The following TEX55 variants were observed in gnomAD, a reference collection of about 807,000 sequenced individuals.
TEX55 encodes the protein testis expressed 55.
TEX55 carries 31 observed loss-of-function variants against 44.6 expected under a neutral mutation model. That is an observed-to-expected ratio of 0.69 (90% CI 0.52 to 0.94). The LOEUF is 0.94. Ranked by LOEUF, TEX55 falls within the 40% of genes least tolerant of loss-of-function variation. TEX55 has a pLI of 0.00. For synonymous variants in TEX55, 230 were observed against 230.9 expected (o/e 1.00, Z 0.04); for missense variants, 639 against 638.4 (o/e 1.00, Z -0.01).
chr3:119,147,679 A>G, intron 1 of TEX55, 92 bp downstream of exon 1: 1 of 1,037,938 alleles, frequency 9.6e-7, no homozygotes, highest in Non-Finnish European at 1.4e-6. Flanking sequence ...GGAAGGGCAC[A>G]TGTTGCATCA....
chr3:119,147,637 C>T (rs758515557), intron 1 of TEX55, 50 bp downstream of exon 1: 74 of 1,502,486 alleles, frequency 4.9e-5, no homozygotes, highest in Non-Finnish European at 6.0e-5. Flanking sequence ...GAGATCTAGA[C>T]GGGGCCTGGA....
chr3:119,147,026 T>C lies in TEX55; in HGVS notation c.837T>C (p.Ala279=). The C allele has an allele frequency of 6.2e-7, 1 of 1,614,212 alleles. No individual in the cohort carries two copies. The highest frequency in any genetic ancestry group is 8.5e-7 in the Non-Finnish European group (1 of 1,180,034). Residue 279 remains alanine (A), a synonymous_variant, in exon 1 of 3, where the codon GCT becomes GCC. Coordinates refer to ENST00000295622, the MANE Select transcript of TEX55 (RefSeq NM_152539.3). Reference sequence around the variant, plus strand: ...CTGAGAAGACTGACTACAGATTGGCTGGCCTGGCTGACCCAGGAACTTCTG... The same window carrying C: ...CTGAGAAGACTGACTACAGATTGGCCGGCCTGGCTGACCCAGGAACTTCTG... ...RSSEKTDYRL[A]GLADPGTSEQ... is the part of the protein sequence containing the mutation.
Position 119,147,164 on chromosome 3 carries a change from A to G in TEX55, c.975A>G (p.Gln325=), listed in dbSNP as rs748796019. 6.2e-7 allele frequency: 1 copy of G among 1,614,180 alleles called. No individual in the cohort carries two copies. Among genetic ancestry groups the G allele is most frequent in the Non-Finnish European group, 8.5e-7 (1 of 1,180,020 alleles). The change falls in exon 1 of 3, where the codon CAA becomes CAG. Residue 325 remains glutamine (Q), a synonymous_variant. Transcript: ENST00000295622. ...TAGCTGAACACCAGGCTATTGACCA[A>G]GCTCATAGTAATGCTGATCAACCTC... ...TELAEHQAID[Q]AHSNADQPPV...
rs2077728187 is a variant in TEX55, at chr3:119,146,589, G to C, written c.400G>C (p.Val134Leu). ...NVQHEQSDGQ[V>L]SGLTEERTAE... The stretch of plus-strand genomic sequence containing the variant: ...ACAGCATGAACAGAGTGATGGTCAG[G>C]TGTCTGGCCTGACGGAGGAAAGAAC... Residue 134 changes from valine (V) to leucine (L), a missense_variant, in exon 1 of 3, where the codon GTG becomes CTG. Val to Leu is a conservative substitution (Grantham distance 32, BLOSUM62 1). Coordinates refer to ENST00000295622, the MANE Select transcript of TEX55 (RefSeq NM_152539.3). 1 of 1,614,012 alleles carries C rather than the reference G, an allele frequency of 6.2e-7. No homozygotes were observed. The highest frequency in any genetic ancestry group is 2.2e-5 in the East Asian group (1 of 44,888).
At chr3:119,151,125 G>T in intron 2 of TEX55, 99 bp from the exon 3 acceptor site, 1 of 772,650 alleles carries the variant, frequency 1.3e-6, no homozygotes. Flanking sequence ...CAAAAGCTAT[G>T]GTATGTGTTA....
intron 2 of TEX55, among the ~76,000 whole-genome samples, chr3:119,148,732 C>T (rs2077753967): frequency 6.6e-6 from 1 of 152,176 alleles, no homozygotes; most frequent in Admixed American, 6.5e-5. Context: ...AGTGTACTTA[C>T]ACAAATCTAG....
At position 119,147,348 on chromosome 3, in the gene TEX55, G is replaced by A. The variant is rs2077737759; in HGVS notation, c.1159G>A (p.Asp387Asn). 5.0e-6 allele frequency: 8 copies of A among 1,614,186 alleles called. No homozygotes were observed. Among genetic ancestry groups the A allele is most frequent in the Non-Finnish European group, 6.8e-6 (8 of 1,180,030 alleles). ...CAACAGCAAAGAGGACAAAGAGGCT[G>A]ACTACAGAGTACAACCCTGCAAATT... ...LGNSKEDKEA[D>N]YRVQPCKFED... is the part of the protein sequence containing the mutation. Residue 387 changes from aspartate to asparagine, a missense_variant, in exon 1 of 3, where the codon GAC becomes AAC. Transcript: ENST00000295622.
chr3:119,146,582 T>A lies in TEX55; in HGVS notation c.393T>A (p.Asp131Glu). Residue 131 changes from aspartate to glutamate, a missense_variant, in exon 1 of 3, where the codon GAT becomes GAA. Transcript: ENST00000295622. The part of the protein sequence containing the change: ...QANNVQHEQS[D>E]GQVSGLTEER... ...ATAATGTACAGCATGAACAGAGTGA[T>A]GGTCAGGTGTCTGGCCTGACGGAGG... 6.2e-7 allele frequency: 1 copy of A among 1,614,026 alleles called. No homozygotes were observed. Among genetic ancestry groups the A allele is most frequent in the South Asian group, 1.1e-5 (1 of 91,086 alleles).
intron 2 of TEX55, among the ~76,000 whole-genome samples, chr3:119,149,074 AT>A (rs985329578): frequency 1.1e-4 from 16 of 152,084 alleles, no homozygotes; most frequent in Non-Finnish European, 1.8e-4. Context: ...GCTACACTAA[AT>A]TTTTTAACAT....
At position 119,147,094 on chromosome 3, in the gene TEX55, C is replaced by T. The variant is rs1165064357; in HGVS notation, c.905C>T (p.Thr302Ile). ...TTGTATGGCCTCGTTGACCACAAAA[C>T]ATCTGTAAAGACTCACCACCAAGTG... ...LRLYGLVDHKTSVKTHHQVYG... is the reference protein window; with the variant it reads ...LRLYGLVDHKISVKTHHQVYG... The change falls in exon 1 of 3, where the codon ACA becomes ATA. Residue 302 changes from threonine to isoleucine, a missense_variant. Thr to Ile is a moderately conservative substitution (Grantham distance 89, BLOSUM62 -1). Coordinates refer to ENST00000295622, the MANE Select transcript of TEX55 (RefSeq NM_152539.3). The T allele has an allele frequency of 4.3e-6, 7 of 1,614,066 alleles. No homozygotes were observed. The highest frequency in any genetic ancestry group is 5.9e-6 in the Non-Finnish European group (7 of 1,180,042).
chr3:119,147,372 T>G lies in TEX55; in HGVS notation c.1183T>G (p.Phe395Val), dbSNP rs2107556194. ...EADYRVQPCK[F>V]EDSQVDLNSK... ...TGACTACAGAGTACAACCCTGCAAA[T>G]TTGAGGATAGCCAAGTAGACCTCAA... is the stretch of plus-strand genomic sequence containing the variant. The change falls in exon 1 of 3, where the codon TTT (phenylalanine) becomes GTT (valine). Residue 395 changes from phenylalanine to valine, a missense_variant. Transcript: ENST00000295622. 6.2e-7 allele frequency: 1 copy of G among 1,614,108 alleles called. No individual in the cohort carries two copies. Among genetic ancestry groups the G allele is most frequent in the Middle Eastern group, 1.6e-4 (1 of 6,062 alleles).
At position 119,146,358 on chromosome 3, in the gene TEX55, C is replaced by A. The variant is rs1199132747; in HGVS notation, c.169C>A (p.Leu57Ile). The change falls in exon 1 of 3, where the codon CTA becomes ATA. Residue 57 changes from leucine to isoleucine, a missense_variant. Physicochemically the swap from Leu to Ile is conservative, Grantham distance 5 (BLOSUM62 2). Coordinates refer to ENST00000295622, the MANE Select transcript of TEX55 (RefSeq NM_152539.3). ...TCACAGAATAGCTGACCAGACTGCC[C>A]TAAGAGTGCCTAGCCAGGCTGAATC... The part of the protein sequence containing the change: ...TAHRIADQTA[L>I]RVPSQAESSI... 1 of 1,614,042 alleles carries A rather than the reference C, an allele frequency of 6.2e-7. No individual in the cohort carries two copies. The highest frequency in any genetic ancestry group is 8.5e-7 in the Non-Finnish European group (1 of 1,180,040).
chr3:119,147,790 C>A (rs2077744197), intron 1 of TEX55, among the ~76,000 whole-genome samples: 1 of 152,188 alleles, frequency 6.6e-6, no homozygotes, highest in African/African-American at 2.4e-5. Context: ...GCCTTCTCTA[C>A]TACCCAAAGG....
intron 2 of TEX55, among the ~76,000 whole-genome samples, chr3:119,149,365 A>G (rs2077760062): frequency 6.6e-6 from 1 of 152,148 alleles, no homozygotes; most frequent in Non-Finnish European, 1.5e-5. Context: ...CATCAATATC[A>G]CTGTCTTCCA....
In TEX55 at chr3:119,151,219, C is replaced by T. The variant is rs2077778252; in HGVS notation, c.1543-5C>T. On this transcript the variant is annotated splice_polypyrimidine_tract_variant and splice_region_variant and intron_variant, in intron 2 of 2. Coordinates refer to ENST00000295622, the MANE Select transcript of TEX55 (RefSeq NM_152539.3). ...TAATGTGATGCCTTATGCTCTCTTTCTCAGCAGATTACTGAAAACTTAGTC... is the reference window on the plus strand; with the variant it reads ...TAATGTGATGCCTTATGCTCTCTTTTTCAGCAGATTACTGAAAACTTAGTC... The T allele has an allele frequency of 1.3e-6, 2 of 1,593,704 alleles. No homozygotes were observed. The highest frequency in any genetic ancestry group is 2.7e-5 in the African/African-American group (2 of 74,482).
At chr3:119,148,873 A>G (rs1003694840) in intron 2 of TEX55, among the ~76,000 whole-genome samples, 6 of 152,200 alleles carry the variant, frequency 3.9e-5, no homozygotes, top group African/African-American at 1.4e-4. Context: ...TTGTGTATCT[A>G]AACATAGAAA....
chr3:119,148,520 A>G (rs2077752196), intron 2 of TEX55, among the ~76,000 whole-genome samples, 197 bp downstream of exon 2: 1 of 152,228 alleles, frequency 6.6e-6, no homozygotes, highest in African/African-American at 2.4e-5. Flanking sequence ...GAGATCAGGT[A>G]GGTTGGTTGA....
intron 1 of TEX55, 106 bp from the exon 2 acceptor site, chr3:119,148,074 A>G (rs949036484): frequency 7.0e-6 from 7 of 999,002 alleles, no homozygotes; most frequent in Non-Finnish European, 1.0e-5. Flanking sequence ...ATTTTCTCCA[A>G]CTCCTTGTGT....
At chr3:119,147,649 A>G in intron 1 of TEX55, 62 bp downstream of exon 1, 1 of 1,400,028 alleles carries the variant, frequency 7.1e-7, no homozygotes, top group Non-Finnish European at 9.8e-7. Context: ...GGGCCTGGAG[A>G]GTAAAAATAG....
Sources: allele counts gnomAD v4.1 joint callset (sites outside exome capture counted in the v4.1 genomes callset), GRCh38; gene constraint gnomAD v4.1.1; transcripts MANE v1.5; gene names NCBI Gene and HGNC (gene_info 2026-07-23, HGNC 2026-07-21).